The following GIPC1 variants were observed in gnomAD, a reference collection of about 807,000 sequenced individuals.
GIPC1 encodes the protein PDZ domain-containing protein GIPC1.
In GIPC1, 15 loss-of-function variants were observed where a neutral mutation model predicts 28.5. The ratio of observed to expected loss-of-function variants is 0.53; its 90% CI spans 0.35 to 0.81. GIPC1 has a LOEUF of 0.81. Among genes scored for constraint, GIPC1 ranks in the 30% least tolerant of loss-of-function variants. The pLI, the probability that GIPC1 is intolerant of heterozygous loss-of-function variation, is 0.01. For synonymous variants in GIPC1, 224 were observed against 206.1 expected (o/e 1.09, Z -0.74); for missense variants, 439 against 481.9 (o/e 0.91, Z 0.83).
intron 3 of GIPC1, among the ~76,000 whole-genome samples, chr19:14,487,399 A>AT (rs974488669): frequency 8.6e-5 from 13 of 150,962 alleles, no homozygotes; most frequent in African/African-American, 2.7e-4. Flanking sequence ...TGCCCGGCTA[A>AT]TTTTTTTTGT....
intron 3 of GIPC1, among the ~76,000 whole-genome samples, chr19:14,485,345 A>ACT (rs2071811281): frequency 7.9e-6 from 1 of 127,252 alleles, no homozygotes. Flanking sequence ...ATCACACCCG[A>ACT]CTATTTTTTT....
Position 14,480,675 on chromosome 19 carries a change from C to T in GIPC1, c.392G>A (p.Arg131His), listed in dbSNP as rs151133470. ...CGACTTGAACACCTCCACCTCCTTG[C>T]GCTGCCCCTTCACGTGGGCGAAGAT... ...DFIFAHVKGQ[R>H]KEVEVFKSED... The change falls in exon 5 of 9, where the codon CGC becomes CAC. Residue 131 changes from arginine to histidine, a missense_variant. Arg to His is a conservative substitution (Grantham distance 29, BLOSUM62 0). Transcript: ENST00000393033. 60 of 1,614,036 alleles carry T rather than the reference C, an allele frequency of 3.7e-5. No homozygotes were observed. Among genetic ancestry groups the T allele is most frequent in the Admixed American group, 8.3e-5 (5 of 59,994 alleles).
chr19:14,480,244 C>T lies in GIPC1; in HGVS notation c.655+61G>A. 16 of 1,459,298 alleles carry T rather than the reference C, an allele frequency of 1.1e-5. No individual in the cohort carries two copies. In the South Asian group the frequency reaches 1.6e-4, roughly 15 times the overall value. The allele number at this position is 1,459,298 out of a possible 1,614,324, so 90.4% of individuals were successfully genotyped here. On this transcript the variant is annotated intron_variant, in intron 6 of 8. Transcript: ENST00000393033. ...GGCGCCACCTGCTGGCCGCTCCCGG[C>T]ACCACCGCCTGCGCCCATGCGAGCA...
At chr19:14,493,947 C>T (rs1359974307) in intron 1 of GIPC1, among the ~76,000 whole-genome samples, 1 of 151,232 alleles carries the variant, frequency 6.6e-6, no homozygotes, top group Non-Finnish European at 1.5e-5. Context: ...AGGCATAAGC[C>T]ACCACGCCTG....
At chr19:14,492,810 A>G (rs1169317978) in intron 2 of GIPC1, 47 bp downstream of exon 2, 1 of 152,214 alleles carries the variant, frequency 6.6e-6, no homozygotes, top group Non-Finnish European at 1.5e-5. Flanking sequence ...TGCCACGGCC[A>G]TAAGAGGCTT....
chr19:14,478,666 C>A lies in GIPC1; in HGVS notation c.850+18G>T. On this transcript the variant is annotated intron_variant, in intron 8 of 8. Coordinates refer to ENST00000393033, the MANE Select transcript of GIPC1 (RefSeq NM_005716.4). This position sits in a 1 kb window ranked among gnomAD's most constrained non-coding sequence, Gnocchi z 5.2. ...CAGCAGACCTAGATGCCCCCTCCCCCAGGCAGCCCTCACTCACCCAGCTCC... is the reference window on the plus strand; with the variant it reads ...CAGCAGACCTAGATGCCCCCTCCCCAAGGCAGCCCTCACTCACCCAGCTCC... 1 of 1,613,130 alleles carries A rather than the reference C, an allele frequency of 6.2e-7. No individual in the cohort carries two copies. The highest frequency in any genetic ancestry group is 1.1e-5 in the South Asian group (1 of 91,064).
At chr19:14,485,772 C>CT (rs1157232507) in intron 3 of GIPC1, among the ~76,000 whole-genome samples, 3 of 138,608 alleles carry the variant, frequency 2.2e-5, no homozygotes, top group African/African-American at 7.9e-5. Context: ...GAAAGGAGTT[C>CT]TTTTTTTTCT....
At position 14,478,947 on chromosome 19, in the gene GIPC1, G is replaced by A. The variant is rs1018611827; in HGVS notation, c.769-182C>T. On this transcript the variant is annotated intron_variant, in intron 7 of 8. Coordinates refer to ENST00000393033, the MANE Select transcript of GIPC1 (RefSeq NM_005716.4). The surrounding 1 kb of genome is among the most constrained non-coding windows in gnomAD (Gnocchi z 5.2). ...CTGATGGGCAAACTGCGGCCCATGTGCCCAAGGAAGGTCCCTGGGAGCTGG... is the reference window on the plus strand; with the variant it reads ...CTGATGGGCAAACTGCGGCCCATGTACCCAAGGAAGGTCCCTGGGAGCTGG... 5.3e-5 allele frequency among the ~76,000 whole-genome samples: 8 copies of A among 152,190 alleles called. No homozygotes were observed. The highest frequency in any genetic ancestry group is 1.9e-4 in the East Asian group (1 of 5,192).
intron 2 of GIPC1, among the ~76,000 whole-genome samples, 170 bp downstream of exon 2, chr19:14,492,687 C>T (rs998727931): frequency 6.6e-6 from 1 of 152,180 alleles, no homozygotes; most frequent in African/African-American, 2.4e-5. Flanking sequence ...TCCCAGCCTC[C>T]TTACTCTCTC....
At position 14,479,468 on chromosome 19, in the gene GIPC1, T is replaced by C; in HGVS notation, c.712A>G (p.Thr238Ala). The change falls in exon 7 of 9, where the codon ACT becomes GCT. Residue 238 changes from threonine to alanine, a missense_variant. Coordinates refer to ENST00000393033, the MANE Select transcript of GIPC1 (RefSeq NM_005716.4). ...GRPGSGPQLG[T>A]GRGTLRLRSR... Reference sequence around the variant, plus strand: ...CGGAGCCGCAGGGTCCCTCGGCCAGTGCCCAGTTGTGGGCCAGAGCCAGGG... The same window carrying C: ...CGGAGCCGCAGGGTCCCTCGGCCAGCGCCCAGTTGTGGGCCAGAGCCAGGG... 2.8e-6 allele frequency: 4 copies of C among 1,436,950 alleles called. No homozygotes were observed. The highest frequency in any genetic ancestry group is 3.6e-6 in the Non-Finnish European group (4 of 1,097,044). The allele number at this position is 1,436,950 out of a possible 1,614,324, so 89.0% of individuals were successfully genotyped here.
chr19:14,480,336 C>T lies in GIPC1; in HGVS notation c.624G>A (p.Thr208=), dbSNP rs917543121. The change falls in exon 6 of 9, where the codon ACG becomes ACA. Residue 208 remains threonine (T), a synonymous_variant. Coordinates refer to ENST00000393033, the MANE Select transcript of GIPC1 (RefSeq NM_005716.4). The part of the protein sequence containing the change: ...LKELPRGRTF[T]LKLTEPRKAF... Reference sequence around the variant, plus strand: ...CCTTGCGAGGCTCCGTGAGCTTCAGCGTGAAGGTACGGCCTCGGGGCAGCT... The same window carrying T: ...CCTTGCGAGGCTCCGTGAGCTTCAGTGTGAAGGTACGGCCTCGGGGCAGCT... The T allele has an allele frequency of 7.4e-6, 12 of 1,611,596 alleles. No individual in the cohort carries two copies. The highest frequency in any genetic ancestry group is 2.7e-5 in the African/African-American group (2 of 74,888).
Position 14,480,181 on chromosome 19 carries a change from C to T in GIPC1, c.655+124G>A, listed in dbSNP as rs2071693261. 8.6e-6 allele frequency: 7 copies of T among 811,368 alleles called. No homozygotes were observed. In the South Asian group the frequency reaches 1.1e-4, roughly 13 times the overall value. 50.3% of individuals were successfully genotyped at this position (811,368 alleles called of 1,614,324 possible). A position where few individuals can be genotyped will look rare whatever the true frequency, so the allele number is the denominator to read the frequency against. ...GTCGGGAGGAGCTGCAACCCCTTCC[C>T]TTTCTGCAACCCCTTCCCTTTCGGC... On this transcript the variant is annotated intron_variant, in intron 6 of 8. Coordinates refer to ENST00000393033, the MANE Select transcript of GIPC1 (RefSeq NM_005716.4).
At position 14,478,553 on chromosome 19, in the gene GIPC1, C is replaced by T; in HGVS notation, c.865G>A (p.Glu289Lys). 1 of 1,614,102 alleles carries T rather than the reference C, an allele frequency of 6.2e-7. No individual in the cohort carries two copies. The highest frequency in any genetic ancestry group is 8.5e-7 in the Non-Finnish European group (1 of 1,179,998). Residue 289 changes from glutamate to lysine, a missense_variant, in exon 9 of 9, where the codon GAG (glutamate) becomes AAG (lysine). Transcript: ENST00000393033. The surrounding 1 kb of genome is among the most constrained non-coding windows in gnomAD (Gnocchi z 5.2). ...GGGTTCCTTTTGTCCTTTCCCAGCT[C>T]CACCATGGTGGCCGCTATTGGGGGA... ...RDTELAATMV[E>K]LGKDKRNPDE...
chr19:14,480,683 C>T lies in GIPC1; in HGVS notation c.384G>A (p.Lys128=). 1 of 1,614,166 alleles carries T rather than the reference C, an allele frequency of 6.2e-7. No homozygotes were observed. The highest frequency in any genetic ancestry group is 8.5e-7 in the Non-Finnish European group (1 of 1,179,978). The part of the protein sequence containing the change: ...GLEDFIFAHV[K]GQRKEVEVFK... ...ACACCTCCACCTCCTTGCGCTGCCC[C>T]TTCACGTGGGCGAAGATGAAGTCCT... is the stretch of plus-strand genomic sequence containing the variant. The change falls in exon 5 of 9, where the codon AAG becomes AAA. Residue 128 remains lysine, a synonymous_variant. Transcript: ENST00000393033.
At chr19:14,482,666 G>C (rs749667749) in intron 4 of GIPC1, 23 bp downstream of exon 4, 1 of 1,609,264 alleles carries the variant, frequency 6.2e-7, no homozygotes, top group Non-Finnish European at 8.5e-7. Flanking sequence ...AGGGACCCTG[G>C]TGCCCGGCTC....
intron 3 of GIPC1, among the ~76,000 whole-genome samples, chr19:14,485,068 G>C (rs1019741331): frequency 2.0e-5 from 3 of 151,806 alleles, no homozygotes; most frequent in African/African-American, 7.3e-5. Flanking sequence ...GTTGAGACGA[G>C]AGAATCGCTT....
At position 14,478,481 on chromosome 19, in the gene GIPC1, A is replaced by G. The variant is rs745658562; in HGVS notation, c.937T>C (p.Phe313Leu). The G allele has an allele frequency of 6.2e-7, 1 of 1,613,710 alleles. No individual in the cohort carries two copies. Among genetic ancestry groups the G allele is most frequent in the South Asian group, 1.1e-5 (1 of 91,058 alleles). Residue 313 changes from phenylalanine (F) to leucine (L), a missense_variant, in exon 9 of 9, where the codon TTC (phenylalanine) becomes CTC (leucine). By Grantham distance (22) the Phe-to-Leu change is conservative. Transcript: ENST00000393033. This position sits in a 1 kb window ranked among gnomAD's most constrained non-coding sequence, Gnocchi z 5.2. ...ACGTCAAAGACGAACTCGTCAGGGAAGGCAAAGTCACCCAGCCGTTCGTCC... is the reference window on the plus strand; with the variant it reads ...ACGTCAAAGACGAACTCGTCAGGGAGGGCAAAGTCACCCAGCCGTTCGTCC... ...ALDERLGDFA[F>L]PDEFVFDVWG...
At chr19:14,483,067 T>A in intron 3 of GIPC1, 61 bp from the exon 4 acceptor site, 1 of 1,158,582 alleles carries the variant, frequency 8.6e-7, no homozygotes, top group Non-Finnish European at 1.2e-6. Flanking sequence ...CCTCCCACAC[T>A]ACTCGAACCA....
At chr19:14,485,028 C>T (rs949461171) in intron 3 of GIPC1, among the ~76,000 whole-genome samples, 1 of 151,644 alleles carries the variant, frequency 6.6e-6, no homozygotes, top group Non-Finnish European at 1.5e-5. Flanking sequence ...GCCGTGGTGG[C>T]GGGCGTCTGT....
Sources: allele counts gnomAD v4.1 joint callset (sites outside exome capture counted in the v4.1 genomes callset), GRCh38; gene constraint gnomAD v4.1.1; non-coding constraint Gnocchi (gnomAD v3.1); transcripts MANE v1.5; gene names NCBI Gene and HGNC (gene_info 2026-07-23, HGNC 2026-07-21).